Variants in NCAM2 observed in about 807,000 individuals in gnomAD.
NCAM2 encodes N-CAM-2.
NCAM2 carries 30 observed loss-of-function variants against 98.1 expected under a neutral mutation model. The ratio of observed to expected loss-of-function variants is 0.31; its 90% CI spans 0.23 to 0.41. The LOEUF (loss-of-function observed/expected upper bound fraction) is 0.41. NCAM2 is among the 10% of genes least tolerant of loss of function. The pLI, the probability that NCAM2 is intolerant of heterozygous loss-of-function variation, is 1.00. For synonymous variants in NCAM2, 368 were observed against 342.4 expected, an observed-to-expected ratio of 1.07 and a Z score of -0.83; for missense variants, 867 against 1,005.8, an observed-to-expected ratio of 0.86 and a Z score of 1.87.
chr21:21,113,047 A>T (rs2066485810), intron 1 of NCAM2, among the ~76,000 whole-genome samples: 1 of 152,134 alleles, frequency 6.6e-6, no homozygotes, highest in African/African-American at 2.4e-5. Flanking sequence ...TATTAGGGGT[A>T]TTGTGGTTTT....
At chr21:21,292,561 A>C (rs9975796) in intron 5 of NCAM2, among the ~76,000 whole-genome samples, 54,044 of 151,742 alleles carry the variant, frequency 0.36, 10,812 homozygotes, top group East Asian at 0.57. Flanking sequence ...TGTTACTTTT[A>C]AATTACATGA....
At chr21:21,360,483 G>T (rs1183999322) in intron 8 of NCAM2, among the ~76,000 whole-genome samples, 1 of 151,854 alleles carries the variant, frequency 6.6e-6, no homozygotes, top group Non-Finnish European at 1.5e-5. Flanking sequence ...ATGATTTTTA[G>T]ATTGACAATA....
intron 1 of NCAM2, among the ~76,000 whole-genome samples, chr21:21,032,337 T>C (rs1366953256): frequency 6.6e-6 from 1 of 152,222 alleles, no homozygotes; most frequent in Non-Finnish European, 1.5e-5. Flanking sequence ...TAGCCTAATA[T>C]ATAAAATGGC....
intron 1 of NCAM2, among the ~76,000 whole-genome samples, chr21:21,186,930 T>C (rs2146943231): frequency 6.6e-6 from 1 of 152,228 alleles, no homozygotes; most frequent in Non-Finnish European, 1.5e-5. Flanking sequence ...GTAGGTATCC[T>C]TTTTTAAAAA....
intron 1 of NCAM2, among the ~76,000 whole-genome samples, chr21:21,105,324 T>TA (rs1257012841): frequency 6.6e-6 from 1 of 152,078 alleles, no homozygotes; most frequent in Non-Finnish European, 1.5e-5. Context: ...TTGTTTTAAA[T>TA]AAAAATGAAT....
At chr21:21,043,942 T>A (rs1195751908) in intron 1 of NCAM2, among the ~76,000 whole-genome samples, 1 of 152,124 alleles carries the variant, frequency 6.6e-6, no homozygotes, top group Non-Finnish European at 1.5e-5. Context: ...TATGAAATTT[T>A]AAACAGACTT....
At chr21:21,246,469 A>G (rs544899884) in intron 1 of NCAM2, among the ~76,000 whole-genome samples, 2 of 152,318 alleles carry the variant, frequency 1.3e-5, no homozygotes, top group African/African-American at 4.8e-5. Context: ...AAATATACCA[A>G]TATATTTGCA....
intron 1 of NCAM2, among the ~76,000 whole-genome samples, chr21:21,163,247 C>T (rs999724524): frequency 1.3e-5 from 2 of 151,826 alleles, no homozygotes; most frequent in African/African-American, 2.4e-5. Flanking sequence ...GTGTTGACAG[C>T]CAAAATAGAG....
intron 9 of NCAM2, among the ~76,000 whole-genome samples, chr21:21,388,955 G>A (rs2076325935): frequency 6.6e-6 from 1 of 152,098 alleles, no homozygotes; most frequent in Non-Finnish European, 1.5e-5. Context: ...TGTATTAGTT[G>A]TATGTATTTA....
rs1460229057 is a variant in NCAM2 at position 21,543,186 on chromosome 21, A to G, written c.*5229A>G. 1 of 151,840 alleles carries G rather than the reference A, an allele frequency of 6.6e-6. No individual in the cohort carries two copies. The highest frequency in any genetic ancestry group is 1.5e-5 in the Non-Finnish European group (1 of 67,848). 9.4% of individuals were successfully genotyped at this position (151,840 alleles called of 1,614,324 possible). ...ATGGTATGTCCCAATGAAATGCTGT[A>G]TATATATGTCTAAACTGTAAAAATT... On this transcript the variant is annotated 3_prime_UTR_variant, in exon 18 of 18. Coordinates refer to ENST00000400546, the MANE Select transcript of NCAM2 (RefSeq NM_004540.5).
intron 1 of NCAM2, among the ~76,000 whole-genome samples, chr21:21,260,788 A>G (rs930725490): frequency 3.3e-5 from 5 of 152,294 alleles, no homozygotes; most frequent in African/African-American, 1.2e-4. Flanking sequence ...CTGTAAATCC[A>G]TTACATGACT....
intron 1 of NCAM2, among the ~76,000 whole-genome samples, chr21:21,183,010 A>G (rs1311341459): frequency 1.3e-5 from 2 of 152,212 alleles, no homozygotes; most frequent in Non-Finnish European, 2.9e-5. Context: ...AATGCAATAC[A>G]GATGATAAAT....
At chr21:21,053,900 C>T (rs750146912) in intron 1 of NCAM2, among the ~76,000 whole-genome samples, 11 of 150,696 alleles carry the variant, frequency 7.3e-5, no homozygotes, top group Non-Finnish European at 1.3e-4. Context: ...TTGAACATTA[C>T]TATGAGTACA....
At chr21:21,422,098 G>A (rs1197573804) in intron 11 of NCAM2, among the ~76,000 whole-genome samples, 1 of 152,150 alleles carries the variant, frequency 6.6e-6, no homozygotes, top group Admixed American at 6.5e-5. Context: ...CAGGGGTCCA[G>A]TGTTGAGTGT....
intron 11 of NCAM2, among the ~76,000 whole-genome samples, chr21:21,420,020 C>G (rs113588933): frequency 3.3e-5 from 5 of 152,134 alleles, no homozygotes; most frequent in African/African-American, 1.2e-4. Context: ...TCTCCAGCAC[C>G]TGTTGTTTCC....
At chr21:21,357,965 C>T (rs1288291178) in intron 8 of NCAM2, among the ~76,000 whole-genome samples, 1 of 152,086 alleles carries the variant, frequency 6.6e-6, no homozygotes, top group Non-Finnish European at 1.5e-5. Flanking sequence ...ACATTGCTTA[C>T]TTACTGTGCA....
intron 8 of NCAM2, among the ~76,000 whole-genome samples, chr21:21,368,221 G>A (rs2075832887): frequency 6.6e-6 from 1 of 151,866 alleles, no homozygotes; most frequent in Non-Finnish European, 1.5e-5. Context: ...ATCTACTAAT[G>A]TAGATAACAT....
intron 1 of NCAM2, among the ~76,000 whole-genome samples, chr21:21,007,103 A>G (rs2146120799): frequency 1.3e-5 from 2 of 152,278 alleles, no homozygotes; most frequent in South Asian, 2.1e-4. Flanking sequence ...GGATGCAAAT[A>G]TGGTGTGATA....
chr21:21,350,728 T>C (rs2075311128), intron 8 of NCAM2, among the ~76,000 whole-genome samples: 1 of 152,160 alleles, frequency 6.6e-6, no homozygotes, highest in Non-Finnish European at 1.5e-5. Context: ...ATATATGCAA[T>C]TTTTAAAACT....
Sources: allele counts gnomAD v4.1 joint callset (sites outside exome capture counted in the v4.1 genomes callset), GRCh38; gene constraint gnomAD v4.1.1; transcripts MANE v1.5; gene names NCBI Gene and HGNC (gene_info 2026-07-23, HGNC 2026-07-21).